INTS7: variants seen among roughly 807,000 people sequenced by gnomAD.
INTS7 encodes the protein chromosome 1 open reading frame 73.
In INTS7, 46 loss-of-function variants were observed where a neutral mutation model predicts 109.2. The observed-to-expected ratio is 0.42, with a 90% confidence interval of 0.33 to 0.54. The LOEUF is 0.54. Ranked by LOEUF, INTS7 falls within the 20% of genes least tolerant of loss-of-function variation. The pLI is 0.07. For synonymous variants in INTS7, 412 were observed against 402.9 expected, an observed-to-expected ratio of 1.02 and a Z score of -0.27; for missense variants, 929 against 1,132.4, an observed-to-expected ratio of 0.82 and a Z score of 2.58.
chr1:211,968,217 T>C (rs1663997145), intron 14 of INTS7, among the ~76,000 whole-genome samples: 1 of 152,210 alleles, frequency 6.6e-6, no homozygotes, highest in South Asian at 2.1e-4. Flanking sequence ...ACAAAAACAT[T>C]TGTATTTTAG....
intron 1 of INTS7, among the ~76,000 whole-genome samples, chr1:212,029,301 T>C (rs976481055): frequency 6.6e-6 from 1 of 152,362 alleles, no homozygotes; most frequent in East Asian, 1.9e-4. Flanking sequence ...ACCAACTGGA[T>C]GGAAGAACCC....
chr1:211,964,451 G>A (rs968332240), intron 16 of INTS7, among the ~76,000 whole-genome samples: 20 of 152,038 alleles, frequency 1.3e-4, no homozygotes, highest in South Asian at 2.1e-4. Flanking sequence ...GACATTCTTC[G>A]CAGAATTAGA....
chr1:212,028,069 C>T (rs1206631288), intron 1 of INTS7, among the ~76,000 whole-genome samples: 2 of 152,168 alleles, frequency 1.3e-5, no homozygotes, highest in Non-Finnish European at 2.9e-5. Context: ...TCAGGTGATC[C>T]TCCCGCCTCA....
intron 7 of INTS7, among the ~76,000 whole-genome samples, chr1:211,998,384 C>G (rs756343802): frequency 3.9e-5 from 6 of 152,180 alleles, no homozygotes; most frequent in Non-Finnish European, 7.4e-5. Context: ...ACCAATAGAA[C>G]AGAATAGAAT....
intron 1 of INTS7, among the ~76,000 whole-genome samples, chr1:212,024,760 C>G (rs1329209969): frequency 6.6e-6 from 1 of 152,194 alleles, no homozygotes; most frequent in Non-Finnish European, 1.5e-5. Flanking sequence ...ATTACAAACA[C>G]ATAGTCTGCT....
chr1:212,002,420 A>G (rs1665711895), intron 7 of INTS7, among the ~76,000 whole-genome samples: 1 of 152,212 alleles, frequency 6.6e-6, no homozygotes, highest in African/African-American at 2.4e-5. Context: ...TCCAGAGGCA[A>G]TCTATCTCAT....
intron 4 of INTS7, 146 bp from the exon 5 acceptor site, chr1:212,011,567 G>C (rs1666168334): frequency 1.6e-6 from 1 of 610,382 alleles, no homozygotes; most frequent in South Asian, 2.2e-5. Flanking sequence ...GCTCGGGTTA[G>C]GGGAGGTGGT....
chr1:212,023,328 C>G (rs1302033087), intron 1 of INTS7, among the ~76,000 whole-genome samples: 1 of 152,172 alleles, frequency 6.6e-6, no homozygotes, highest in Non-Finnish European at 1.5e-5. Context: ...CTCCAAACTG[C>G]TTTCTACACT....
At chr1:211,983,088 C>T (rs1473816659) in intron 8 of INTS7, among the ~76,000 whole-genome samples, 1 of 152,000 alleles carries the variant, frequency 6.6e-6, no homozygotes, top group East Asian at 1.9e-4. Flanking sequence ...GTACAAAAGC[C>T]AAAACAACTA....
At chr1:212,016,754 T>C (rs1666461787) in intron 4 of INTS7, 132 bp downstream of exon 4, 1 of 691,458 alleles carries the variant, frequency 1.4e-6, no homozygotes, top group Non-Finnish European at 2.4e-6. Flanking sequence ...AGGTAAACCT[T>C]CTTGGAAAAC....
chr1:212,007,479 T>G, intron 5 of INTS7, 30 bp from the exon 6 acceptor site: 1 of 1,526,806 alleles, frequency 6.5e-7, no homozygotes, highest in Middle Eastern at 1.7e-4. Context: ...TCAAGGTATT[T>G]GTGATCACCA....
chr1:212,021,375 G>A (rs1194841405), intron 1 of INTS7, among the ~76,000 whole-genome samples, 163 bp from the exon 2 acceptor site: 1 of 151,892 alleles, frequency 6.6e-6, no homozygotes, highest in Non-Finnish European at 1.5e-5. Flanking sequence ...ATGGTATATT[G>A]AAATAGTAAT....
At chr1:212,005,794 C>T (rs1245909924) in intron 7 of INTS7, among the ~76,000 whole-genome samples, 3 of 152,174 alleles carry the variant, frequency 2.0e-5, no homozygotes, top group African/African-American at 7.2e-5. Flanking sequence ...TATTAAGTCT[C>T]TCTGAACCCT....
intron 7 of INTS7, among the ~76,000 whole-genome samples, chr1:212,004,607 C>A (rs1665822826): frequency 6.6e-6 from 1 of 152,114 alleles, no homozygotes; most frequent in South Asian, 2.1e-4. Flanking sequence ...ACAAACTAAT[C>A]TTTATATTCA....
intron 13 of INTS7, among the ~76,000 whole-genome samples, chr1:211,971,915 CAAAAAAAAA>C (rs745814699): frequency 3.8e-5 from 3 of 79,820 alleles, no homozygotes; most frequent in Non-Finnish European, 7.1e-5. Context: ...AACTCAGTCT[CAAAAAAAAA>C]AAAAAAAAAA....
chr1:212,008,613 G>A (rs1666037642), intron 5 of INTS7, among the ~76,000 whole-genome samples: 1 of 152,136 alleles, frequency 6.6e-6, no homozygotes, highest in Non-Finnish European at 1.5e-5. Flanking sequence ...TCAGACGCAT[G>A]TATCTCATTA....
intron 1 of INTS7, among the ~76,000 whole-genome samples, chr1:212,032,740 A>G (rs986240819): frequency 1.3e-5 from 2 of 152,000 alleles, no homozygotes; most frequent in Non-Finnish European, 2.9e-5. Context: ...CAGCTTCCCA[A>G]AGTGCGGGGA....
chr1:212,023,150 T>C (rs1402710181), intron 1 of INTS7, among the ~76,000 whole-genome samples: 2 of 152,228 alleles, frequency 1.3e-5, no homozygotes, highest in African/African-American at 4.8e-5. Context: ...ATCCAATCCA[T>C]GACTGACAGG....
chr1:212,003,305 C>CAAA (rs35903155), intron 7 of INTS7, among the ~76,000 whole-genome samples: 12 of 61,882 alleles, frequency 1.9e-4, no homozygotes, highest in Non-Finnish European at 2.4e-4. Context: ...AATTTTAAAG[C>CAAA]AAAAAAAAAA....
Sources: allele counts gnomAD v4.1 joint callset (sites outside exome capture counted in the v4.1 genomes callset), GRCh38; gene constraint gnomAD v4.1.1; transcripts MANE v1.5; gene names NCBI Gene and HGNC (gene_info 2026-07-23, HGNC 2026-07-21).